SAMD5: variants seen among roughly 807,000 people sequenced by gnomAD.
SAMD5 encodes sterile alpha motif domain containing 5, also known as sterile alpha motif domain-containing protein 5.
Under a neutral mutation model 11.3 loss-of-function variants are expected in SAMD5, and 13 were observed. The ratio of observed to expected loss-of-function variants is 1.15; its 90% confidence interval spans 0.75 to 1.83. The LOEUF (loss-of-function observed/expected upper bound fraction) is 1.83. SAMD5 is among the 40% of genes most tolerant of loss of function. The probability of loss-of-function intolerance (pLI) is 0.00; values close to 1 mark genes in which losing one functional copy is unlikely to be tolerated. For synonymous variants in SAMD5, 129 were observed against 111.3 expected, an observed-to-expected ratio of 1.16 and a Z score of -1.00; for missense variants, 255 against 239.1, an observed-to-expected ratio of 1.07 and a Z score of -0.44.
the SAMD5 span, among the ~76,000 whole-genome samples, chr6:147,854,311 A>G: frequency 2.0e-5 from 3 of 152,234 alleles, no homozygotes; most frequent in Non-Finnish European, 2.9e-5. Context: ...TCAGGACCAC[A>G]CTGAAAAGAG....
chr6:147,701,399 C>T (rs1339866590), intron 1 of SAMD5, among the ~76,000 whole-genome samples: 4 of 152,014 alleles, frequency 2.6e-5, no homozygotes, highest in Non-Finnish European at 5.9e-5. Flanking sequence ...TTTGGGAGGC[C>T]CAGGCAGGTG....
Position 147,568,867 on chromosome 6 carries a change from C to A in SAMD5, c.*4411C>A, listed in dbSNP as rs1789085835. The A allele has an allele frequency of 1.0e-6, 1 of 954,968 alleles. No individual in the cohort carries two copies. Among genetic ancestry groups the A allele is most frequent in the Non-Finnish European group, 1.2e-6 (1 of 802,520 alleles). The allele number at this position is 954,968 out of a possible 1,614,324, so 59.2% of individuals were successfully genotyped here. On this transcript the variant is annotated 3_prime_UTR_variant, in exon 2 of 2. Transcript: ENST00000367474. ...ATCAAATAACTTTCTAGTCCATGATCATTAATCCCTACTATTTTAGATATT... is the reference window on the plus strand; with the variant it reads ...ATCAAATAACTTTCTAGTCCATGATAATTAATCCCTACTATTTTAGATATT...
At chr6:147,770,553 A>G in the SAMD5 span, among the ~76,000 whole-genome samples, 300 of 152,322 alleles carry the variant, frequency 2.0e-3, 1 homozygote, top group African/African-American at 6.7e-3. Flanking sequence ...CTGATATGAA[A>G]TGGGGCTGCC....
At chr6:147,571,981 ACT>A (rs1491127271), downstream of SAMD5, among the ~76,000 whole-genome samples, 16 of 147,398 alleles carry the variant, frequency 1.1e-4, no homozygotes, top group African/African-American at 3.6e-4. Flanking sequence ...AGTAATTTCA[ACT>A]TTTTTTTTTT....
intron 1 of SAMD5, among the ~76,000 whole-genome samples, chr6:147,619,776 C>A (rs998155963): frequency 6.6e-6 from 1 of 152,070 alleles, no homozygotes; most frequent in African/African-American, 2.4e-5. Flanking sequence ...CTGGAGAGGC[C>A]ATCACAAAGT....
chr6:147,919,586 C>G, the SAMD5 span, among the ~76,000 whole-genome samples: 9 of 152,172 alleles, frequency 5.9e-5, no homozygotes, highest in African/African-American at 2.2e-4. Context: ...TGTTAAATAC[C>G]TGCTTTAAGC....
intron 1 of SAMD5, among the ~76,000 whole-genome samples, chr6:147,681,632 T>C (rs1790942030): frequency 1.3e-5 from 2 of 152,220 alleles, no homozygotes; most frequent in African/African-American, 4.8e-5. Flanking sequence ...TTTTACCTTG[T>C]TGCATGCTGG....
the SAMD5 span, among the ~76,000 whole-genome samples, chr6:147,812,205 A>G: frequency 6.6e-6 from 1 of 152,134 alleles, no homozygotes; most frequent in African/African-American, 2.4e-5. Context: ...TGTTAAGAGA[A>G]GATGTTTTGT....
chr6:147,726,164 G>C (rs1315035766), intron 1 of SAMD5, among the ~76,000 whole-genome samples: 1 of 152,198 alleles, frequency 6.6e-6, no homozygotes, highest in Admixed American at 6.5e-5. Flanking sequence ...CTGCTTCAAT[G>C]AGGCTGTTCA....
the SAMD5 span, among the ~76,000 whole-genome samples, chr6:147,892,254 G>A: frequency 6.6e-6 from 1 of 152,140 alleles, no homozygotes; most frequent in Admixed American, 6.5e-5. Context: ...CAGTGACCTC[G>A]ACAGAGAAAA....
chr6:147,681,074 TCTTC>T (rs1282069538), intron 1 of SAMD5, among the ~76,000 whole-genome samples: 3 of 152,162 alleles, frequency 2.0e-5, no homozygotes. Context: ...TGGCATTACT[TCTTC>T]CTTAAGTGTT....
chr6:147,701,847 A>G (rs1003099161), intron 1 of SAMD5, among the ~76,000 whole-genome samples: 36 of 152,162 alleles, frequency 2.4e-4, no homozygotes, highest in African/African-American at 9.7e-5. Context: ...GAGAACATAG[A>G]AACTTACTTA....
At chr6:147,725,138 C>T (rs1011443041) in intron 1 of SAMD5, among the ~76,000 whole-genome samples, 3 of 152,162 alleles carry the variant, frequency 2.0e-5, no homozygotes, top group Non-Finnish European at 4.4e-5. Flanking sequence ...GATATACTTT[C>T]AAATGCAGCT....
the SAMD5 span, among the ~76,000 whole-genome samples, chr6:147,841,749 A>AGACT: frequency 0.4 from 61,044 of 151,734 alleles, 13,581 homozygotes; most frequent in African/African-American, 0.6. Flanking sequence ...TGGTCCAAGG[A>AGACT]GACTGTTCAG....
chr6:147,826,943 G>A, the SAMD5 span, among the ~76,000 whole-genome samples: 4 of 152,254 alleles, frequency 2.6e-5, no homozygotes, highest in East Asian at 7.7e-4. Flanking sequence ...ACGTCCTACA[G>A]AGGAGCTGAA....
At chr6:147,754,729 A>G in the SAMD5 span, among the ~76,000 whole-genome samples, 2 of 152,036 alleles carry the variant, frequency 1.3e-5, no homozygotes, top group Non-Finnish European at 2.9e-5. Flanking sequence ...ATTTTGATTG[A>G]TTTTTGTATA....
At chr6:147,885,120 A>C in the SAMD5 span, among the ~76,000 whole-genome samples, 2 of 152,228 alleles carry the variant, frequency 1.3e-5, no homozygotes, top group African/African-American at 4.8e-5. Context: ...ATGAACTGCC[A>C]GTATTGCTTT....
At chr6:147,828,586 T>C in the SAMD5 span, among the ~76,000 whole-genome samples, 3 of 152,202 alleles carry the variant, frequency 2.0e-5, no homozygotes, top group African/African-American at 7.2e-5. Context: ...CTTCCTCCCG[T>C]GCTGGAGGAA....
the SAMD5 span, chr6:147,743,356 A>T: frequency 6.6e-6 from 1 of 152,322 alleles, no homozygotes; most frequent in East Asian, 1.9e-4. Context: ...AAATACAAAA[A>T]ATCAGCCAGG....
Sources: gnomAD v4.1 joint callset for allele counts (sites outside exome capture counted in the v4.1 genomes callset) on GRCh38, gnomAD v4.1.1 for gene constraint, MANE v1.5 for transcripts, NCBI Gene and HGNC (gene_info 2026-07-23, HGNC 2026-07-21) for gene names.